Variants in BRI3 observed in about 807,000 individuals in gnomAD.
BRI3 encodes the protein membrane protein BRI3.
BRI3 carries 6 observed loss-of-function variants against 12.8 expected under a neutral mutation model. The observed-to-expected ratio is 0.47, with a 90% CI of 0.26 to 0.93. The LOEUF is 0.93. Among genes scored for constraint, BRI3 ranks in the 40% least tolerant of loss-of-function variants. The pLI is 0.15. For synonymous variants in BRI3, 91 were observed against 76.1 expected (o/e 1.20, Z -1.02); for missense variants, 134 against 171.1 (o/e 0.78, Z 1.21).
At chr7:98,310,375 A>G in exon 2 of BRI3, 9 of 1,504,616 alleles carry the variant, frequency 6.0e-6, no homozygotes, top group Non-Finnish European at 7.2e-6. Flanking sequence ...TATACAAAAT[A>G]TTTATTTCAC....
At chr7:98,298,825 C>T (rs374751070) in intron 1 of BRI3, among the ~76,000 whole-genome samples, 2 of 151,596 alleles carry the variant, frequency 1.3e-5, no homozygotes, top group Non-Finnish European at 2.9e-5. Context: ...CAGAGGCCCC[C>T]GGGGCTTTCA....
intron 1 of BRI3, chr7:98,307,451 C>T (rs1430141385): frequency 7.2e-7 from 1 of 1,387,360 alleles, no homozygotes; most frequent in Non-Finnish European, 9.3e-7. Context: ...AAACTACTTT[C>T]AGACAGGTGA....
At chr7:98,318,794 A>G in the BRI3 span, among the ~76,000 whole-genome samples, 4 of 151,510 alleles carry the variant, frequency 2.6e-5, no homozygotes, top group Non-Finnish European at 4.4e-5. Context: ...AAATACAAAA[A>G]TTAGCCGGGT....
upstream of BRI3, among the ~76,000 whole-genome samples, chr7:98,305,051 T>TTTG (rs1554410656): frequency 4.5e-5 from 4 of 89,300 alleles, no homozygotes; most frequent in East Asian, 3.1e-4. Flanking sequence ...TTTTTTGTTT[T>TTTG]TTTTTTTTTT....
chr7:98,313,912 G>T (rs965073721), downstream of BRI3, among the ~76,000 whole-genome samples: 2 of 150,800 alleles, frequency 1.3e-5, no homozygotes, highest in African/African-American at 4.9e-5. Flanking sequence ...TTATAGGCAT[G>T]AGCCACTGTG....
At chr7:98,319,687 C>T in the BRI3 span, among the ~76,000 whole-genome samples, 1 of 151,930 alleles carries the variant, frequency 6.6e-6, no homozygotes, top group South Asian at 2.1e-4. Context: ...GCTGGGATGA[C>T]AGGCATGCAC....
At chr7:98,293,683 G>A, downstream of BRI3, 3 of 1,339,260 alleles carry the variant, frequency 2.2e-6, no homozygotes, top group South Asian at 3.5e-5. Flanking sequence ...TTCTTGCCCT[G>A]TGAGACTGGG....
intron 2 of BRI3, among the ~76,000 whole-genome samples, chr7:98,288,121 T>G (rs995746263): frequency 3.3e-5 from 5 of 152,208 alleles, no homozygotes; most frequent in African/African-American, 9.6e-5. Context: ...ATGGGACATT[T>G]TCTAACCAGA....
chr7:98,321,446 A>G, the BRI3 span, among the ~76,000 whole-genome samples: 1 of 152,152 alleles, frequency 6.6e-6, no homozygotes, highest in South Asian at 2.1e-4. Context: ...TCTGCTGGGA[A>G]TACACCAGCC....
chr7:98,282,040 C>T (rs1395150030), intron 1 of BRI3, 103 bp downstream of exon 1: 5 of 1,303,364 alleles, frequency 3.8e-6, no homozygotes, highest in Non-Finnish European at 4.9e-6. Context: ...GGGGTCCTTC[C>T]TGGAGCTGGA....
At chr7:98,307,959 A>G in exon 2 of BRI3, 1 of 1,476,824 alleles carries the variant, frequency 6.8e-7, no homozygotes, top group Admixed American at 1.7e-5. Flanking sequence ...GCACATTCCA[A>G]TGAGCAAACC....
downstream of BRI3, chr7:98,310,684 G>A: frequency 1.2e-6 from 1 of 859,270 alleles, no homozygotes; most frequent in Non-Finnish European, 1.6e-6. Context: ...TTAAATAATA[G>A]GCTATTTATT....
At chr7:98,317,209 A>T in the BRI3 span, 1 of 1,614,138 alleles carries the variant, frequency 6.2e-7, no homozygotes, top group Non-Finnish European at 8.5e-7. Context: ...GATATTGTTG[A>T]AAAGCTCACC....
At chr7:98,298,535 C>T (rs1472155324) in intron 1 of BRI3, among the ~76,000 whole-genome samples, 2 of 151,956 alleles carry the variant, frequency 1.3e-5, no homozygotes, top group Non-Finnish European at 2.9e-5. Context: ...ATGGCGTGAA[C>T]CCAGGAGGTG....
chr7:98,291,230 C>G lies in BRI3; in HGVS notation c.365C>G (p.Ala122Gly). The G allele has an allele frequency of 6.2e-7, 1 of 1,613,260 alleles. No individual in the cohort carries two copies. Among genetic ancestry groups the G allele is most frequent in the Non-Finnish European group, 8.5e-7 (1 of 1,180,040 alleles). The part of the protein sequence containing the change: ...LRKRRCPNCG[A>G]TFA ...AAGCGACGATGCCCCAACTGTGGAGCCACCTTCGCTTAAAGGGAACACCAG... is the reference window on the plus strand; with the variant it reads ...AAGCGACGATGCCCCAACTGTGGAGGCACCTTCGCTTAAAGGGAACACCAG... Residue 122 changes from alanine (A) to glycine (G), a missense_variant, in exon 3 of 3, where the codon GCC becomes GGC. Physicochemically the swap from Ala to Gly is moderately conservative, Grantham distance 60. Transcript: ENST00000297290.
downstream of BRI3, chr7:98,293,989 G>C (rs1800077075): frequency 2.7e-6 from 4 of 1,460,344 alleles, no homozygotes; most frequent in Middle Eastern, 2.0e-4. Flanking sequence ...GGACCCCCTG[G>C]GCTGGGCACC....
rs1799942151 is a variant in BRI3, at chr7:98,291,303, G to A, written c.*60G>A. The A allele has an allele frequency of 3.7e-6, 6 of 1,601,278 alleles. No individual in the cohort carries two copies. Among genetic ancestry groups the A allele is most frequent in the South Asian group, 3.3e-5 (3 of 90,088 alleles). The stretch of plus-strand genomic sequence containing the variant: ...TCTCTTTTTCTAATGTAAATGTTGT[G>A]TACAATAATTTTATTTGATTAAGCT... On this transcript the variant is annotated 3_prime_UTR_variant, in exon 3 of 3. Coordinates refer to ENST00000297290, the MANE Select transcript of BRI3 (RefSeq NM_015379.5).
At chr7:98,306,987 AG>A in intron 1 of BRI3, 1 of 160,804 alleles carries the variant, frequency 6.2e-6, no homozygotes, top group East Asian at 1.8e-4. Context: ...CTGACAAGCT[AG>A]TTACAGGAAG....
At chr7:98,299,946 C>A (rs1312384320) in intron 1 of BRI3, among the ~76,000 whole-genome samples, 1 of 152,068 alleles carries the variant, frequency 6.6e-6, no homozygotes, top group Admixed American at 6.6e-5. Flanking sequence ...GAGGCTGAGG[C>A]GGGAGAATTG....
Sources: allele counts gnomAD v4.1 joint callset (sites outside exome capture counted in the v4.1 genomes callset), GRCh38; gene constraint gnomAD v4.1.1; transcripts MANE v1.5; gene names NCBI Gene and HGNC (gene_info 2026-07-23, HGNC 2026-07-21).